The following FOXK2 variants were observed in gnomAD, a reference collection of about 807,000 sequenced individuals.
The protein encoded by FOXK2 is forkhead box K2.
FOXK2 carries 24 observed loss-of-function variants against 53.3 expected under a neutral mutation model. The observed-to-expected ratio is 0.45, with a 90% CI of 0.33 to 0.63. The LOEUF (loss-of-function observed/expected upper bound fraction) is 0.63. FOXK2 is among the 30% of genes least tolerant of loss of function. FOXK2 has a pLI of 0.03. For missense variants in FOXK2, 952 were observed against 910.5 expected (o/e 1.05, Z -0.59); for synonymous variants, 505 against 407.1 (o/e 1.24, Z -2.89).
At chr17:82,598,967 T>C (rs1272284245) in intron 8 of FOXK2, 1 of 152,276 alleles carries the variant, frequency 6.6e-6, no homozygotes, top group East Asian at 1.9e-4. Flanking sequence ...GTCACGTGGG[T>C]GGGCTCAGCG....
At chr17:82,590,842 G>C (rs540282625) in intron 8 of FOXK2, among the ~76,000 whole-genome samples, 151 of 152,322 alleles carry the variant, frequency 9.9e-4, no homozygotes, top group African/African-American at 3.4e-3. Context: ...AGAATGTCCT[G>C]TGCAGGGAGG....
Position 82,601,672 on chromosome 17 carries a change from A to G in FOXK2, c.*173A>G. ...CCTTAAAGACAGAAGTCACACTTGA[A>G]CAAAACCCACACACAACAAAACCTG... On this transcript the variant is annotated 3_prime_UTR_variant, in exon 9 of 9. Coordinates refer to ENST00000335255, the MANE Select transcript of FOXK2 (RefSeq NM_004514.4). The G allele has an allele frequency of 6.7e-6, 4 of 596,190 alleles. No homozygotes were observed. Among genetic ancestry groups the G allele is most frequent in the Non-Finnish European group, 1.2e-5 (4 of 346,562 alleles). 36.9% of individuals were successfully genotyped at this position (596,190 alleles called of 1,614,324 possible). A position where few individuals can be genotyped will look rare whatever the true frequency, so the allele number is the denominator to read the frequency against.
chr17:82,588,995 T>C (rs1311567300), intron 8 of FOXK2, among the ~76,000 whole-genome samples: 1 of 151,258 alleles, frequency 6.6e-6, no homozygotes, highest in East Asian at 1.9e-4. Flanking sequence ...AGTGTGGAGG[T>C]TCCAGTGAGA....
chr17:82,570,162 C>T (rs1044326815), intron 3 of FOXK2, among the ~76,000 whole-genome samples: 1 of 151,430 alleles, frequency 6.6e-6, no homozygotes, highest in Admixed American at 6.6e-5. Flanking sequence ...GTGGAGCTTG[C>T]AGTGAGCCGA....
chr17:82,564,941 G>T (rs572907286), intron 2 of FOXK2, among the ~76,000 whole-genome samples: 1 of 151,832 alleles, frequency 6.6e-6, no homozygotes, highest in East Asian at 1.9e-4. Flanking sequence ...TGTTGGTCAG[G>T]GTGGTCTTGA....
intron 1 of FOXK2, among the ~76,000 whole-genome samples, chr17:82,556,021 C>T (rs2044721269): frequency 6.6e-6 from 1 of 151,492 alleles, no homozygotes; most frequent in Non-Finnish European, 1.5e-5. Flanking sequence ...TCTGCATGGA[C>T]GGCTTTTATT....
At chr17:82,542,408 G>A (rs185585469) in intron 1 of FOXK2, among the ~76,000 whole-genome samples, 3 of 151,962 alleles carry the variant, frequency 2.0e-5, no homozygotes, top group African/African-American at 4.8e-5. Context: ...CAGGTGATCC[G>A]CCCGTCTCTG....
At chr17:82,546,069 T>C (rs1290333189) in intron 1 of FOXK2, among the ~76,000 whole-genome samples, 1 of 151,938 alleles carries the variant, frequency 6.6e-6, no homozygotes, top group African/African-American at 2.4e-5. Flanking sequence ...TGACTAATGA[T>C]GTTGAAGATC....
At chr17:82,560,229 C>T (rs966304540) in intron 1 of FOXK2, among the ~76,000 whole-genome samples, 1 of 151,812 alleles carries the variant, frequency 6.6e-6, no homozygotes, top group Non-Finnish European at 1.5e-5. Context: ...AGGATGGTCT[C>T]GATCTCCTGA....
At chr17:82,593,928 G>A (rs1330927653) in intron 8 of FOXK2, 2 of 152,360 alleles carry the variant, frequency 1.3e-5, no homozygotes, top group African/African-American at 2.4e-5. Context: ...CCCCAGAGCA[G>A]CGGGATCAGG....
chr17:82,555,885 CAAAAAAAAAAAAAAAAAA>C (rs71168116), intron 1 of FOXK2, among the ~76,000 whole-genome samples: 3 of 74,214 alleles, frequency 4.0e-5, no homozygotes, highest in African/African-American at 5.4e-5. Context: ...GACTCTATCA[CAAAAAAAAAAAAAAAAAA>C]AAAAAAAAAA....
At chr17:82,554,373 G>C (rs574400960) in intron 1 of FOXK2, among the ~76,000 whole-genome samples, 1 of 152,162 alleles carries the variant, frequency 6.6e-6, no homozygotes, top group Non-Finnish European at 1.5e-5. Context: ...TCGTGAGTCT[G>C]TTAATTCATA....
intron 5 of FOXK2, among the ~76,000 whole-genome samples, chr17:82,583,343 G>A (rs981153895): frequency 2.0e-5 from 3 of 152,082 alleles, no homozygotes; most frequent in Non-Finnish European, 2.9e-5. Flanking sequence ...TCAGGAGGTC[G>A]AGATCAGCCT....
chr17:82,583,144 C>A (rs1431160487), intron 5 of FOXK2, among the ~76,000 whole-genome samples: 1 of 152,256 alleles, frequency 6.6e-6, no homozygotes, highest in Non-Finnish European at 1.5e-5. Context: ...AAAGTTTAAA[C>A]TGCACTCGAC....
chr17:82,555,324 T>C (rs2044712868), intron 1 of FOXK2, among the ~76,000 whole-genome samples: 1 of 152,160 alleles, frequency 6.6e-6, no homozygotes, highest in Admixed American at 6.6e-5. Context: ...CAGGAGGATC[T>C]AACCCCCGGC....
At chr17:82,520,417 C>G (rs2044349061) in intron 1 of FOXK2, 110 bp downstream of exon 1, 4 of 955,390 alleles carry the variant, frequency 4.2e-6, no homozygotes, top group Middle Eastern at 3.9e-4. Context: ...GGGCCCGACT[C>G]TCCCACAGCC....
In FOXK2 at chr17:82,586,138, C is replaced by T; in HGVS notation, c.1514C>T (p.Ala505Val). ...TCTGGACAAGCTGTGGTCACCCCGG[C>T]AGCCGTGCTGGCCCCTCCTAAGGCA... ...TVSGQAVVTP[A>V]AVLAPPKAEA... is the part of the protein sequence containing the mutation. The change falls in exon 7 of 9, where the codon GCA (alanine) becomes GTA (valine). Residue 505 changes from alanine (A) to valine (V), a missense_variant. This residue lies in a region of FOXK2 where 551 missense variants were observed against 385.1 expected (regional missense o/e 1.43). Coordinates refer to ENST00000335255, the MANE Select transcript of FOXK2 (RefSeq NM_004514.4). 1 of 1,612,568 alleles carries T rather than the reference C, an allele frequency of 6.2e-7. No homozygotes were observed. The highest frequency in any genetic ancestry group is 8.5e-7 in the Non-Finnish European group (1 of 1,179,906).
intron 6 of FOXK2, 73 bp from the exon 7 acceptor site, chr17:82,585,831 G>C: frequency 6.8e-7 from 1 of 1,477,252 alleles, no homozygotes; most frequent in South Asian, 1.2e-5. Flanking sequence ...TTGCTTGTCA[G>C]TGCTGAGTGT....
chr17:82,530,020 A>G (rs997990116), intron 1 of FOXK2, among the ~76,000 whole-genome samples: 3 of 152,206 alleles, frequency 2.0e-5, no homozygotes, highest in Non-Finnish European at 4.4e-5. Flanking sequence ...GAATTGTTCC[A>G]GTTTTTTGTG....
Sources: gnomAD v4.1 joint callset for allele counts (sites outside exome capture counted in the v4.1 genomes callset) on GRCh38, gnomAD v4.1.1 for gene constraint, gnomAD v4.1.1 regional missense constraint, MANE v1.5 for transcripts, NCBI Gene and HGNC (gene_info 2026-07-23, HGNC 2026-07-21) for gene names.